Variants in CPNE4 observed in about 807,000 individuals in gnomAD.
The protein encoded by CPNE4 is copine-4.
Under a neutral mutation model 67.9 loss-of-function variants are expected in CPNE4, and 25 were observed. The observed-to-expected ratio is 0.37, with a 90% confidence interval of 0.27 to 0.51. The LOEUF is 0.51. CPNE4 is among the 20% of genes least tolerant of loss of function. CPNE4 has a pLI of 0.93. For missense variants in CPNE4, 464 were observed against 690.8 expected, an observed-to-expected ratio of 0.67 and a Z score of 3.68; for synonymous variants, 242 against 244.9, an observed-to-expected ratio of 0.99 and a Z score of 0.11.
chr3:131,736,196 C>T (rs147129425), intron 2 of CPNE4, among the ~76,000 whole-genome samples: 1,567 of 152,312 alleles, frequency 0.01, 26 homozygotes, highest in African/African-American at 0.035. Context: ...TTGTTTTCCA[C>T]GGTGGCCCAA....
At chr3:131,938,907 T>C (rs1225031) in intron 1 of CPNE4, among the ~76,000 whole-genome samples, 149,715 of 152,288 alleles carry the variant, frequency 0.98, 73,664 homozygotes, top group Middle Eastern at 1. Flanking sequence ...ACAACTACTT[T>C]GTAGCATATT....
In CPNE4 at chr3:132,034,334, AC is replaced by A. The variant is rs369347936; in HGVS notation, c.-2+232del. ...TCCCCAACTCCATTCGCCCCACCCC[AC>A]CTGGGCGAGTTGGGTGGATGTCAGA... On this transcript the variant is annotated intron_variant, in intron 1 of 15. Coordinates refer to ENST00000429747, the MANE Select transcript of CPNE4 (RefSeq NM_130808.3). Among the ~76,000 whole-genome samples, 14 of 151,732 alleles carry A rather than the reference AC, an allele frequency of 9.2e-5. No individual in the cohort carries two copies. The East Asian group carries it at 2.5e-3, about 27-fold the overall frequency.
intron 1 of CPNE4, among the ~76,000 whole-genome samples, chr3:131,960,545 C>A (rs2072136237): frequency 6.6e-6 from 1 of 152,096 alleles, no homozygotes; most frequent in Non-Finnish European, 1.5e-5. Flanking sequence ...TCATATAGAG[C>A]CTGTTACAAG....
chr3:131,801,356 A>C (rs1248185665), intron 2 of CPNE4, among the ~76,000 whole-genome samples: 6 of 100,376 alleles, frequency 6.0e-5, no homozygotes, highest in Non-Finnish European at 6.7e-5. Flanking sequence ...TATATGTACC[A>C]TATATATATA....
At chr3:131,903,772 C>G (rs765781684) in intron 2 of CPNE4, among the ~76,000 whole-genome samples, 14 of 151,912 alleles carry the variant, frequency 9.2e-5, no homozygotes, top group Non-Finnish European at 2.1e-4. Flanking sequence ...TAAAAAGTAC[C>G]CAGTAAAGTT....
chr3:131,715,525 T>C (rs1425397928), intron 3 of CPNE4, among the ~76,000 whole-genome samples: 2 of 152,228 alleles, frequency 1.3e-5, no homozygotes, highest in Non-Finnish European at 2.9e-5. Context: ...GATAACTTAC[T>C]GAGCTTTACT....
At chr3:131,568,104 C>A (rs1937151241) in intron 10 of CPNE4, among the ~76,000 whole-genome samples, 1 of 151,584 alleles carries the variant, frequency 6.6e-6, no homozygotes, top group Non-Finnish European at 1.5e-5. Context: ...ACCATATAGC[C>A]CATTTTATAG....
intron 7 of CPNE4, among the ~76,000 whole-genome samples, chr3:131,623,421 A>G (rs7621659): frequency 0.28 from 41,908 of 152,016 alleles, 9,524 homozygotes; most frequent in African/African-American, 0.63. Context: ...TGCAATTCTG[A>G]GCTACCCAGG....
intron 2 of CPNE4, among the ~76,000 whole-genome samples, chr3:131,864,642 C>T (rs113225811): frequency 0.072 from 10,777 of 150,422 alleles, 511 homozygotes; most frequent in East Asian, 0.15. Flanking sequence ...TACAGTCATG[C>T]CATCTGCAAA....
At chr3:131,593,780 C>T (rs1477065077) in intron 7 of CPNE4, among the ~76,000 whole-genome samples, 1 of 152,054 alleles carries the variant, frequency 6.6e-6, no homozygotes, top group African/African-American at 2.4e-5. Context: ...GGCATGATCT[C>T]GGCTCACTGC....
At chr3:131,802,013 T>C (rs530200292) in intron 2 of CPNE4, among the ~76,000 whole-genome samples, 2 of 151,984 alleles carry the variant, frequency 1.3e-5, no homozygotes, top group South Asian at 4.2e-4. Flanking sequence ...AGGGGAAAGA[T>C]AAATTCAGGG....
intron 2 of CPNE4, among the ~76,000 whole-genome samples, chr3:131,811,100 T>C (rs1160245390): frequency 2.0e-5 from 3 of 152,134 alleles, no homozygotes; most frequent in South Asian, 2.1e-4. Context: ...AGATCTATTA[T>C]ACAGTATAAT....
At chr3:131,984,704 C>T (rs2073000076) in intron 1 of CPNE4, among the ~76,000 whole-genome samples, 1 of 152,214 alleles carries the variant, frequency 6.6e-6, no homozygotes, top group African/African-American at 2.4e-5. Flanking sequence ...GGATCCTTCT[C>T]TGCTCATATA....
chr3:131,686,499 T>C (rs1047123581), intron 5 of CPNE4, among the ~76,000 whole-genome samples: 5 of 152,238 alleles, frequency 3.3e-5, no homozygotes, highest in Non-Finnish European at 7.3e-5. Flanking sequence ...CATGAGTCTT[T>C]AGCTTCTAGC....
chr3:131,791,225 A>T (rs113107637), intron 2 of CPNE4, among the ~76,000 whole-genome samples: 1 of 152,316 alleles, frequency 6.6e-6, no homozygotes, highest in African/African-American at 2.4e-5. Flanking sequence ...AAATGCTTAC[A>T]ACTGAGAAAT....
intron 2 of CPNE4, among the ~76,000 whole-genome samples, chr3:131,857,697 G>A (rs988213124): frequency 1.2e-4 from 19 of 152,008 alleles, no homozygotes; most frequent in African/African-American, 4.6e-4. Flanking sequence ...AAGGGTCAAT[G>A]AAAGAAATAT....
At chr3:131,782,164 C>G (rs1022699775) in intron 2 of CPNE4, among the ~76,000 whole-genome samples, 1 of 152,042 alleles carries the variant, frequency 6.6e-6, no homozygotes, top group African/African-American at 2.4e-5. Flanking sequence ...GACTTCCAAC[C>G]AAGGAGGTCA....
intron 7 of CPNE4, among the ~76,000 whole-genome samples, chr3:131,611,817 C>T (rs1939858534): frequency 6.6e-6 from 1 of 152,064 alleles, no homozygotes; most frequent in African/African-American, 2.4e-5. Flanking sequence ...ACTCTTCCTC[C>T]TCTCTCAGCT....
chr3:131,695,633 A>C (rs2081136459), intron 5 of CPNE4, among the ~76,000 whole-genome samples: 1 of 152,194 alleles, frequency 6.6e-6, no homozygotes. Flanking sequence ...AAGGAGAAGG[A>C]GCATAACAGT....
Sources: gnomAD v4.1 joint callset for allele counts (sites outside exome capture counted in the v4.1 genomes callset) on GRCh38, gnomAD v4.1.1 for gene constraint, MANE v1.5 for transcripts, NCBI Gene and HGNC (gene_info 2026-07-23, HGNC 2026-07-21) for gene names.